The following CHRNB3 variants were observed in gnomAD, a reference collection of about 807,000 sequenced individuals.
CHRNB3 encodes the protein neuronal acetylcholine receptor subunit beta-3.
CHRNB3 carries 37 observed loss-of-function variants against 40.6 expected under a neutral mutation model. The ratio of observed to expected loss-of-function variants is 0.91; its 90% CI spans 0.70 to 1.20. CHRNB3 has a LOEUF of 1.20. CHRNB3 is among the 50% of genes most tolerant of loss of function. CHRNB3 has a pLI of 0.00. For synonymous variants in CHRNB3, 207 were observed against 207.1 expected, an observed-to-expected ratio of 1.00 and a Z score of 0.00; for missense variants, 505 against 551.2, an observed-to-expected ratio of 0.92 and a Z score of 0.84.
intron 2 of CHRNB3, 111 bp downstream of exon 2, chr8:42,708,979 T>C (rs2128905344): frequency 1.7e-6 from 2 of 1,201,104 alleles, no homozygotes; most frequent in Non-Finnish European, 2.3e-6. Context: ...AAAAATAATT[T>C]ACTGTGAGAG....
At chr8:42,698,428 T>C (rs1213838263) in intron 1 of CHRNB3, among the ~76,000 whole-genome samples, 1 of 152,200 alleles carries the variant, frequency 6.6e-6, no homozygotes, top group East Asian at 1.9e-4. Context: ...TTGTATTAAT[T>C]TCTCAGTAGT....
intron 5 of CHRNB3, among the ~76,000 whole-genome samples, chr8:42,734,546 A>G (rs1198538735): frequency 6.6e-6 from 1 of 150,894 alleles, no homozygotes; most frequent in Non-Finnish European, 1.5e-5. Context: ...CAGCCTCCCG[A>G]GTAGCTGGGA....
intron 3 of CHRNB3, among the ~76,000 whole-genome samples, chr8:42,713,017 A>G (rs1816043966): frequency 6.6e-6 from 1 of 151,752 alleles, no homozygotes; most frequent in African/African-American, 2.4e-5. Context: ...ACGTGCCACC[A>G]TACCTGGCTA....
At chr8:42,715,025 A>AG (rs1156269439) in intron 3 of CHRNB3, 1 of 152,158 alleles carries the variant, frequency 6.6e-6, no homozygotes, top group Non-Finnish European at 1.5e-5. Context: ...GAATGAAGTT[A>AG]GGATCCACTC....
Position 42,730,791 on chromosome 8 carries a change from G to A in CHRNB3, c.359+88G>A, listed in dbSNP as rs914230678. On this transcript the variant is annotated intron_variant, in intron 4 of 5. Transcript: ENST00000289957. ...AGGCTGGGCGCGGTGGCTCACGCCT[G>A]TAATCCCAGCACTTTGGGAGGCCGA... is the stretch of plus-strand genomic sequence containing the variant. 210 of 686,690 alleles carry A rather than the reference G, an allele frequency of 3.1e-4. 5 individuals carry two copies. The highest frequency in any genetic ancestry group is 9.0e-4 in the South Asian group (38 of 42,044). 42.5% of individuals were successfully genotyped at this position (686,690 alleles called of 1,614,324 possible).
intron 1 of CHRNB3, among the ~76,000 whole-genome samples, chr8:42,703,142 G>A (rs1251167116): frequency 6.6e-6 from 1 of 151,992 alleles, no homozygotes; most frequent in Non-Finnish European, 1.5e-5. Context: ...ATTCATCCAT[G>A]TCCGGGAGTG....
At position 42,706,244 on chromosome 8, in the gene CHRNB3, C is replaced by T. The variant is rs571572018; in HGVS notation, c.53-2473C>T. On this transcript the variant is annotated intron_variant, in intron 1 of 5. Coordinates refer to ENST00000289957, the MANE Select transcript of CHRNB3 (RefSeq NM_000749.5). The stretch of plus-strand genomic sequence containing the variant: ...TTGTTCTGGGAATCGCAGACTGGCC[C>T]GAGGGCTGGGGAGGAGAATGTGGGC... Among the ~76,000 whole-genome samples the T allele has an allele frequency of 2.6e-5, 4 of 152,088 alleles. No homozygotes were observed. In the East Asian group the frequency reaches 5.8e-4, roughly 22 times the overall value.
intron 3 of CHRNB3, among the ~76,000 whole-genome samples, chr8:42,715,148 C>A (rs528733751): frequency 6.6e-6 from 1 of 152,140 alleles, no homozygotes; most frequent in South Asian, 2.1e-4. Flanking sequence ...GAGGACATAG[C>A]GTTAGTTACT....
intron 1 of CHRNB3, among the ~76,000 whole-genome samples, chr8:42,708,300 A>T (rs1050244391): frequency 2.6e-5 from 4 of 152,094 alleles, no homozygotes; most frequent in African/African-American, 9.7e-5. Context: ...CCCCTTCTCT[A>T]CTAAAAATAC....
chr8:42,711,031 T>C (rs959158474), intron 3 of CHRNB3, among the ~76,000 whole-genome samples: 6 of 152,252 alleles, frequency 3.9e-5, no homozygotes, highest in Non-Finnish European at 8.8e-5. Context: ...TAATTGCTTT[T>C]AGCTTGGCTA....
intron 1 of CHRNB3, among the ~76,000 whole-genome samples, chr8:42,698,191 G>A (rs562477760): frequency 1.3e-5 from 2 of 152,292 alleles, no homozygotes; most frequent in East Asian, 1.9e-4. Context: ...AAAGGAAAAA[G>A]TGAAAGATAG....
rs750445991 is a variant in CHRNB3 at position 42,732,569 on chromosome 8, T to G, written c.1242+20T>G. The G allele has an allele frequency of 6.4e-7, 1 of 1,552,920 alleles. No homozygotes were observed. The highest frequency in any genetic ancestry group is 2.1e-5 in the Admixed American group (1 of 48,356). ...AGCCAGGTGAGTAAACTGGTATTCCTGATAATGCTGCCGTAAAGGTAGGCC... is the reference window on the plus strand; with the variant it reads ...AGCCAGGTGAGTAAACTGGTATTCCGGATAATGCTGCCGTAAAGGTAGGCC... On this transcript the variant is annotated intron_variant, in intron 5 of 5. Coordinates refer to ENST00000289957, the MANE Select transcript of CHRNB3 (RefSeq NM_000749.5).
At chr8:42,710,563 C>A in intron 3 of CHRNB3, 129 bp downstream of exon 3, 1 of 721,912 alleles carries the variant, frequency 1.4e-6, no homozygotes, top group South Asian at 1.9e-5. Flanking sequence ...TGGGAAGGGT[C>A]TATGGCTTTT....
chr8:42,730,734 G>GA (rs1381720147), intron 4 of CHRNB3, 31 bp downstream of exon 4: 2 of 1,423,828 alleles, frequency 1.4e-6, no homozygotes, highest in South Asian at 1.2e-5. Flanking sequence ...TACTTATGGG[G>GA]AAAAAAATAA....
Position 42,720,006 on chromosome 8 carries a change from C to A in CHRNB3, c.249+9572C>A, listed in dbSNP as rs568136795. On this transcript the variant is annotated intron_variant, in intron 3 of 5. Transcript: ENST00000289957. ...CCTCCTCAAGGATCTGAAGGCAGCCCGCATTCATGATCTCCTTCCTTCCTG... is the reference window on the plus strand; with the variant it reads ...CCTCCTCAAGGATCTGAAGGCAGCCAGCATTCATGATCTCCTTCCTTCCTG... 1.8e-4 allele frequency among the ~76,000 whole-genome samples: 27 copies of A among 152,034 alleles called. No homozygotes were observed. The South Asian group carries it at 5.4e-3, about 30-fold the overall frequency.
Position 42,731,718 on chromosome 8 carries a change from A to C in CHRNB3, c.411A>C (p.Ser137=). 2 of 1,613,940 alleles carry C rather than the reference A, an allele frequency of 1.2e-6. No homozygotes were observed. Among genetic ancestry groups the C allele is most frequent in the African/African-American group, 2.7e-5 (2 of 74,966 alleles). ...TGATGACCAAGGTCATCGTGAAATC[A>C]AACGGAACTGTTGTCTGGACCCCTC... ...GSLMTKVIVK[S]NGTVVWTPPA... The change falls in exon 5 of 6, where the codon TCA becomes TCC. Residue 137 remains serine, a synonymous_variant. Transcript: ENST00000289957.
intron 2 of CHRNB3, among the ~76,000 whole-genome samples, chr8:42,709,154 G>A (rs1451522128): frequency 6.6e-6 from 1 of 152,092 alleles, no homozygotes; most frequent in Non-Finnish European, 1.5e-5. Flanking sequence ...TGAACACCCA[G>A]GGAGGAGGGC....
chr8:42,723,754 C>T lies in CHRNB3; in HGVS notation c.250-6840C>T, dbSNP rs970455043. Among the ~76,000 whole-genome samples, 3 of 152,098 alleles carry T rather than the reference C, an allele frequency of 2.0e-5. 1 individual carries two copies. Among genetic ancestry groups the T allele is most frequent in the African/African-American group, 7.2e-5 (3 of 41,384 alleles). On this transcript the variant is annotated intron_variant, in intron 3 of 5. Coordinates refer to ENST00000289957, the MANE Select transcript of CHRNB3 (RefSeq NM_000749.5). ...TGGACAGGTATTTGAACTCTCTAAG[C>T]GCTGGTTGCCTCATCTAATACAGCA...
chr8:42,702,785 T>G (rs774792877), intron 1 of CHRNB3, among the ~76,000 whole-genome samples: 1 of 152,076 alleles, frequency 6.6e-6, no homozygotes, highest in East Asian at 1.9e-4. Context: ...AGAATATAAT[T>G]CTTCCAGGTA....
Sources: gnomAD v4.1 joint callset for allele counts (sites outside exome capture counted in the v4.1 genomes callset) on GRCh38, gnomAD v4.1.1 for gene constraint, MANE v1.5 for transcripts, NCBI Gene and HGNC (gene_info 2026-07-23, HGNC 2026-07-21) for gene names.